GCN1: variants seen among roughly 807,000 people sequenced by gnomAD.
The protein encoded by GCN1 is GCN1 activator of EIF2AK4.
GCN1 carries 90 observed loss-of-function variants against 288.4 expected under a neutral mutation model. That is an observed-to-expected ratio of 0.31 (90% CI 0.26 to 0.37). The LOEUF (loss-of-function observed/expected upper bound fraction) is 0.37, where lower values mean the gene tolerates loss of function less well. GCN1 is among the 10% of genes least tolerant of loss of function. The pLI is 1.00. For missense variants in GCN1, 2,586 were observed against 3,419.9 expected (o/e 0.76, Z 6.08); for synonymous variants, 1,386 against 1,420.2 (o/e 0.98, Z 0.54).
chr12:120,133,793 G>A (rs1302264572), intron 53 of GCN1, among the ~76,000 whole-genome samples: 1 of 152,210 alleles, frequency 6.6e-6, no homozygotes, highest in African/African-American at 2.4e-5. Flanking sequence ...AACCGGCCGG[G>A]CGCGGTGGCT....
intron 1 of GCN1, among the ~76,000 whole-genome samples, chr12:120,194,428 G>A (rs1247618116): frequency 6.6e-6 from 1 of 152,242 alleles, no homozygotes; most frequent in Admixed American, 6.5e-5. Flanking sequence ...GTCGGGCAAA[G>A]GCCCCGCCGA....
rs60288659 is a variant in GCN1 at position 120,152,637 on chromosome 12, GCACA to G, written c.4062+572_4062+575del. On this transcript the variant is annotated intron_variant, in intron 33 of 57. Transcript: ENST00000300648. ...CAAAATGCAAACCACACACACACGC[GCACA>G]CACACACACACACACACAAAATATA... 5.9e-3 allele frequency among the ~76,000 whole-genome samples: 630 copies of G among 107,306 alleles called. 3 individuals are homozygous for G. The highest frequency in any genetic ancestry group is 0.017 in the African/African-American group (467 of 27,280). The allele number at this position is 107,306 out of a possible 152,430, so 70.4% of individuals were successfully genotyped here. A position where few individuals can be genotyped will look rare whatever the true frequency, so the allele number is the denominator to read the frequency against.
At chr12:120,129,130 C>T in intron 57 of GCN1, 146 bp downstream of exon 57, 1 of 721,886 alleles carries the variant, frequency 1.4e-6, no homozygotes, top group Non-Finnish European at 2.3e-6. Context: ...CGCCCGGCCC[C>T]AGTCACCCAA....
chr12:120,162,415 G>C lies in GCN1; in HGVS notation c.2164-357C>G, dbSNP rs1030369075. Among the ~76,000 whole-genome samples the C allele has an allele frequency of 3.9e-5, 6 of 152,314 alleles. No individual in the cohort carries two copies. In the South Asian group the frequency reaches 1.2e-3, roughly 32 times the overall value. On this transcript the variant is annotated intron_variant, in intron 20 of 57. Transcript: ENST00000300648. ...AAGTCAGATTAATCAGGGTCAAAGC[G>C]ACCCCAAGCCAGTAGACATTATTGA...
rs1163117669 is a variant in GCN1 at position 120,144,384 on chromosome 12, G to A, written c.5417C>T (p.Ser1806Phe). Residue 1806 changes from serine (S) to phenylalanine (F), a missense_variant, in exon 42 of 58, where the codon TCC becomes TTC. Ser to Phe is a radical substitution (Grantham distance 155). This residue lies in a region of GCN1 where 371 missense variants were observed against 572.6 expected (regional missense o/e 0.65). Transcript: ENST00000300648. This position sits in a 1 kb window ranked among gnomAD's most constrained non-coding sequence, Gnocchi z 4.7. ...TALRAGQRVI[S>F]MYAETAIALL... Reference sequence around the variant, plus strand: ...GGCGATGGCTGTCTCAGCGTACATGGAGATAACCCGCTGGCCCGCGCGCAG... The same window carrying A: ...GGCGATGGCTGTCTCAGCGTACATGAAGATAACCCGCTGGCCCGCGCGCAG... 1 of 1,614,214 alleles carries A rather than the reference G, an allele frequency of 6.2e-7. No homozygotes were observed. Among genetic ancestry groups the A allele is most frequent in the Non-Finnish European group, 8.5e-7 (1 of 1,179,994 alleles).
intron 1 of GCN1, among the ~76,000 whole-genome samples, chr12:120,193,496 G>A (rs1352251505): frequency 6.6e-6 from 1 of 152,078 alleles, no homozygotes; most frequent in Non-Finnish European, 1.5e-5. Flanking sequence ...GTAGAGACGG[G>A]GTTTTGCCAC....
intron 7 of GCN1, among the ~76,000 whole-genome samples, chr12:120,178,003 G>A (rs12581892): frequency 0.071 from 10,820 of 152,018 alleles, 699 homozygotes; most frequent in East Asian, 0.38. Flanking sequence ...AGCTGGCTGC[G>A]TCTCACTCTA....
chr12:120,149,166 C>T (rs1189060145), intron 36 of GCN1, among the ~76,000 whole-genome samples: 2 of 152,036 alleles, frequency 1.3e-5, no homozygotes, highest in Non-Finnish European at 2.9e-5. Context: ...AGGGTTGTGG[C>T]TCTTGTCAGA....
In GCN1 at chr12:120,127,862, G is replaced by T; in HGVS notation, c.8003C>A (p.Thr2668Asn). 6.2e-7 allele frequency: 1 copy of T among 1,614,188 alleles called. No individual in the cohort carries two copies. The highest frequency in any genetic ancestry group is 8.5e-7 in the Non-Finnish European group (1 of 1,180,010). The change falls in exon 58 of 58, where the codon ACC becomes AAC. Residue 2668 changes from threonine (T) to asparagine (N), a missense_variant. Transcript: ENST00000300648. ...QADSTEQVDD[T>N]ILT ...GGCCCAGGCCTCTCATGTCAGGATG[G>T]TGTCGTCCACCTGCTCCGTGGAGTC...
chr12:120,131,412 C>A, intron 54 of GCN1, 79 bp from the exon 55 acceptor site: 1 of 1,373,284 alleles, frequency 7.3e-7, no homozygotes, highest in Non-Finnish European at 1.0e-6. Context: ...TGGGCCCACC[C>A]CGCTGGAGAC....
chr12:120,131,194 C>G lies in GCN1; in HGVS notation c.7554G>C (p.Thr2518=). ...GGCCCGAATGCCTTACCCTGTCCGCCGTGGCACTGCTCAGGATCATTTCCT... is the reference window on the plus strand; with the variant it reads ...GGCCCGAATGCCTTACCCTGTCCGCGGTGGCACTGCTCAGGATCATTTCCT... ...DVQEMILSSA[T]ADRIPIAVSG... Residue 2518 remains threonine, a synonymous_variant, in exon 55 of 58, where the codon ACG becomes ACC. Coordinates refer to ENST00000300648, the MANE Select transcript of GCN1 (RefSeq NM_006836.2). 6.2e-7 allele frequency: 1 copy of G among 1,614,124 alleles called. No individual in the cohort carries two copies. Among genetic ancestry groups the G allele is most frequent in the Non-Finnish European group, 8.5e-7 (1 of 1,179,946 alleles).
Position 120,142,733 on chromosome 12 carries a change from T to C in GCN1, c.5614-11A>G, listed in dbSNP as rs1246794562. 1.2e-6 allele frequency: 2 copies of C among 1,613,412 alleles called. No individual in the cohort carries two copies. Among genetic ancestry groups the C allele is most frequent in the East Asian group, 2.2e-5 (1 of 44,884 alleles). ...GGCAGTGATGATCGCCTGCAGCCAGTAGAAGGGGACAGAGAGTAGTGAAGC... is the reference window on the plus strand; with the variant it reads ...GGCAGTGATGATCGCCTGCAGCCAGCAGAAGGGGACAGAGAGTAGTGAAGC... On this transcript the variant is annotated splice_polypyrimidine_tract_variant and intron_variant, in intron 43 of 57. Transcript: ENST00000300648. This position sits in a 1 kb window ranked among gnomAD's most constrained non-coding sequence, Gnocchi z 4.9.
rs371921344 is a variant in GCN1 at position 120,138,466 on chromosome 12, C to A, written c.6157-51G>T. The A allele has an allele frequency of 1.2e-4, 137 of 1,189,186 alleles. No homozygotes were observed. In the African/African-American group the frequency reaches 2.0e-3, roughly 17 times the overall value. 73.7% of individuals were successfully genotyped at this position (1,189,186 alleles called of 1,614,324 possible). A position where few individuals can be genotyped will look rare whatever the true frequency, so the allele number is the denominator to read the frequency against. On this transcript the variant is annotated intron_variant, in intron 46 of 57. Transcript: ENST00000300648. ...TGAGGAATCTGCATCTCTGCTGTCT[C>A]AACCAGCCACCGCCAACTTCCTTCT...
rs1396905839 is a variant in GCN1, at chr12:120,131,969, C to G, written c.7371G>C (p.Leu2457Phe). Reference protein sequence around the residue: ...AGCLGELCAFLTEEELSAVLQ... With the variant: ...AGCLGELCAFFTEEELSAVLQ... The stretch of plus-strand genomic sequence containing the variant: ...GAACGGCACTAAGCTCCTCTTCAGT[C>G]AAAAAGGCACACAGTTCCCCTAGGC... The change falls in exon 54 of 58, where the codon TTG (leucine) becomes TTC (phenylalanine). Residue 2457 changes from leucine to phenylalanine, a missense_variant. Around this residue, in one of 8 missense-constraint regions of GCN1, gnomAD observed 355 missense variants for 431.1 expected, o/e 0.82. Coordinates refer to ENST00000300648, the MANE Select transcript of GCN1 (RefSeq NM_006836.2). The G allele has an allele frequency of 6.2e-7, 1 of 1,605,692 alleles. No homozygotes were observed. The highest frequency in any genetic ancestry group is 8.5e-7 in the Non-Finnish European group (1 of 1,175,596).
Position 120,142,622 on chromosome 12 carries a change from A to G in GCN1, c.5714T>C (p.Leu1905Pro), listed in dbSNP as rs1162491096. 6.2e-7 allele frequency: 1 copy of G among 1,613,840 alleles called. No individual in the cohort carries two copies. The highest frequency in any genetic ancestry group is 8.5e-7 in the Non-Finnish European group (1 of 1,180,000). Residue 1905 changes from leucine (L) to proline (P), a missense_variant, in exon 44 of 58, where the codon CTG becomes CCG. Coordinates refer to ENST00000300648, the MANE Select transcript of GCN1 (RefSeq NM_006836.2). This position sits in a 1 kb window ranked among gnomAD's most constrained non-coding sequence, Gnocchi z 4.9. ...GGAGACAACAATCTTCCAGACATGC[A>G]GGGACGCCTGCCGCACCACCAGCTG... ...DTQLVVRQASLHVWKIVVSNT... is the reference protein window; with the variant it reads ...DTQLVVRQASPHVWKIVVSNT...
rs560131337 is a variant in GCN1 at position 120,153,240 on chromosome 12, G to A, written c.4035C>T (p.Ile1345=). ...PKVKPIVAKL[I]AALSTPSQQV... Reference sequence around the variant, plus strand: ...GCTGGGAGGGGGTGGAGAGGGCAGCGATGAGCTTGGCAACAATGGGCTTCA... The same window carrying A: ...GCTGGGAGGGGGTGGAGAGGGCAGCAATGAGCTTGGCAACAATGGGCTTCA... The change falls in exon 33 of 58, where the codon ATC becomes ATT. Residue 1345 remains isoleucine (I), a synonymous_variant. Coordinates refer to ENST00000300648, the MANE Select transcript of GCN1 (RefSeq NM_006836.2). This position sits in a 1 kb window ranked among gnomAD's most constrained non-coding sequence, Gnocchi z 4.4. 75 of 1,614,184 alleles carry A rather than the reference G, an allele frequency of 4.6e-5. No individual in the cohort carries two copies. The South Asian group carries it at 6.5e-4, about 14-fold the overall frequency.
intron 33 of GCN1, among the ~76,000 whole-genome samples, chr12:120,151,804 A>G (rs1337360554): frequency 1.3e-5 from 2 of 152,188 alleles, no homozygotes; most frequent in South Asian, 4.1e-4. Flanking sequence ...GAAATTGGGC[A>G]GGGCCTTATA....
rs765794088 is a variant in GCN1, at chr12:120,153,442, C to T, written c.3868-35G>A. 1.9e-6 allele frequency: 3 copies of T among 1,584,926 alleles called. No individual in the cohort carries two copies. The highest frequency in any genetic ancestry group is 2.6e-6 in the Non-Finnish European group (3 of 1,156,998). On this transcript the variant is annotated intron_variant, in intron 32 of 57. Transcript: ENST00000300648. This position sits in a 1 kb window ranked among gnomAD's most constrained non-coding sequence, Gnocchi z 4.4. The stretch of plus-strand genomic sequence containing the variant: ...CAAACCCCTCAGAGCCTCAGGTCAA[C>T]CCTACAGGCTGCATCTGGGGACAAC...
intron 33 of GCN1, among the ~76,000 whole-genome samples, chr12:120,152,793 A>G (rs1360945059): frequency 6.6e-6 from 1 of 151,816 alleles, no homozygotes; most frequent in East Asian, 1.9e-4. Flanking sequence ...CAACCAACAC[A>G]TGTAGAGGGC....
Sources: allele counts gnomAD v4.1 joint callset (sites outside exome capture counted in the v4.1 genomes callset), GRCh38; gene constraint gnomAD v4.1.1; regional missense constraint gnomAD v4.1.1; non-coding constraint Gnocchi (gnomAD v3.1); transcripts MANE v1.5; gene names NCBI Gene and HGNC (gene_info 2026-07-23, HGNC 2026-07-21).